Variants in PHACTR3 observed in about 807,000 individuals in gnomAD.
PHACTR3 encodes phosphatase and actin regulator 3, also known as protein phosphatase 1, regulatory subunit 123.
PHACTR3 carries 16 observed loss-of-function variants against 66.8 expected under a neutral mutation model. The observed-to-expected ratio is 0.24, with a 90% confidence interval of 0.16 to 0.36. The LOEUF is 0.36. Ranked by LOEUF, PHACTR3 falls within the 10% of genes least tolerant of loss-of-function variation. PHACTR3 has a pLI of 1.00. For missense variants in PHACTR3, 647 were observed against 719.9 expected (o/e 0.90, Z 1.16); for synonymous variants, 323 against 292.1 (o/e 1.11, Z -1.08).
In PHACTR3 at chr20:59,760,105, C is replaced by T. The variant is rs199711426; in HGVS notation, c.541+4741C>T. On this transcript the variant is annotated intron_variant, in intron 4 of 12. Transcript: ENST00000371015. ...GTCATCAAAAAGCACAAGGGGCTGT[C>T]CTGGGTCACTCCTGGCATCCAGGTG... Among the ~76,000 whole-genome samples the T allele has an allele frequency of 3.0e-3, 452 of 152,248 alleles. 4 individuals carry two copies. The highest frequency in any genetic ancestry group is 5.3e-3 in the Admixed American group (81 of 15,296).
At chr20:59,758,689 G>A (rs1436816874) in intron 4 of PHACTR3, among the ~76,000 whole-genome samples, 1 of 152,174 alleles carries the variant, frequency 6.6e-6, no homozygotes, top group Non-Finnish European at 1.5e-5. Context: ...ATGATGAAAT[G>A]CTGGCACAAA....
At chr20:59,710,797 A>C in intron 1 of PHACTR3, among the ~76,000 whole-genome samples, 1 of 151,552 alleles carries the variant, frequency 6.6e-6, no homozygotes, top group East Asian at 1.9e-4. Context: ...ATGTTCCTGC[A>C]TCATACCTTC....
Position 59,743,162 on chromosome 20 carries a change from A to C in PHACTR3, c.174A>C (p.Arg58=), listed in dbSNP as rs758167665. The part of the protein sequence containing the change: ...ARPEYLVSGI[R]TPPVRRNSKL... ...CTGAATATCTGGTCTCAGGGATTCG[A>C]ACTCCCCCTGTGAGGAGGAACAGCA... Residue 58 remains arginine (R), a synonymous_variant, in exon 2 of 13, where the codon CGA becomes CGC. Coordinates refer to ENST00000371015, the MANE Select transcript of PHACTR3 (RefSeq NM_080672.5). The C allele has an allele frequency of 1.9e-5, 31 of 1,613,966 alleles. No individual in the cohort carries two copies. Among genetic ancestry groups the C allele is most frequent in the Non-Finnish European group, 3.4e-6 (4 of 1,179,978 alleles).
At chr20:59,731,189 C>T (rs937246283) in intron 1 of PHACTR3, among the ~76,000 whole-genome samples, 2 of 152,174 alleles carry the variant, frequency 1.3e-5, no homozygotes, top group African/African-American at 2.4e-5. Flanking sequence ...ATTTCTACTA[C>T]AATACTAAAG....
chr20:59,755,220 C>G lies in PHACTR3; in HGVS notation c.397C>G (p.Arg133Gly). The G allele has an allele frequency of 6.2e-7, 1 of 1,613,736 alleles. No homozygotes were observed. Among genetic ancestry groups the G allele is most frequent in the Non-Finnish European group, 8.5e-7 (1 of 1,180,016 alleles). Reference sequence around the variant, plus strand: ...AACTTGCAACCCCGATGGAGGACCCCGATCTGTACAGAGTGAACCACCCAC... The same window carrying G: ...AACTTGCAACCCCGATGGAGGACCCGGATCTGTACAGAGTGAACCACCCAC... ...SKTCNPDGGP[R>G]SVQSEPPTPK... Residue 133 changes from arginine to glycine, a missense_variant, in exon 4 of 13, where the codon CGA becomes GGA. By Grantham distance (125) the Arg-to-Gly change is moderately radical. Coordinates refer to ENST00000371015, the MANE Select transcript of PHACTR3 (RefSeq NM_080672.5).
intron 7 of PHACTR3, 86 bp downstream of exon 7, chr20:59,774,576 G>A: frequency 6.6e-7 from 1 of 1,520,766 alleles, no homozygotes; most frequent in Non-Finnish European, 8.8e-7. Context: ...CTCGTGCCTG[G>A]GGGAGGAACA....
intron 7 of PHACTR3, among the ~76,000 whole-genome samples, chr20:59,779,577 T>C (rs1202201001): frequency 6.6e-6 from 1 of 152,246 alleles, no homozygotes; most frequent in East Asian, 1.9e-4. Context: ...TCGCAACAAC[T>C]ACTATTTTAT....
At chr20:59,670,938 A>G (rs1283514126) in intron 1 of PHACTR3, among the ~76,000 whole-genome samples, 2 of 152,046 alleles carry the variant, frequency 1.3e-5, no homozygotes, top group Non-Finnish European at 2.9e-5. Flanking sequence ...GCAATCTCGT[A>G]CTTTCTGCTC....
chr20:59,636,179 C>T (rs139090714), intron 1 of PHACTR3, among the ~76,000 whole-genome samples: 18 of 152,238 alleles, frequency 1.2e-4, no homozygotes, highest in African/African-American at 4.3e-4. Flanking sequence ...TTGGAAATAT[C>T]TCTGGTCATT....
chr20:59,616,142 G>C (rs964747097), intron 1 of PHACTR3, among the ~76,000 whole-genome samples: 1 of 151,732 alleles, frequency 6.6e-6, no homozygotes, highest in Non-Finnish European at 1.5e-5. Context: ...TGCAGAATGA[G>C]GATTACTTTA....
rs146508508 is a variant in PHACTR3 at position 59,651,451 on chromosome 20, A to G, written c.118+46319A>G. Among the ~76,000 whole-genome samples the G allele has an allele frequency of 5.5e-3, 845 of 152,332 alleles. 4 individuals are homozygous for G. The highest frequency in any genetic ancestry group is 0.027 in the Middle Eastern group (8 of 294). On this transcript the variant is annotated intron_variant, in intron 1 of 12. Coordinates refer to ENST00000371015, the MANE Select transcript of PHACTR3 (RefSeq NM_080672.5). Reference sequence around the variant, plus strand: ...AATTAAAGCATCATGTTATATTGCCATTACCAGCTAGCCATATGAACCTTA... The same window carrying G: ...AATTAAAGCATCATGTTATATTGCCGTTACCAGCTAGCCATATGAACCTTA...
At chr20:59,676,716 T>C in intron 1 of PHACTR3, 1 of 984,880 alleles carries the variant, frequency 1.0e-6, no homozygotes, top group African/African-American at 1.7e-5. Flanking sequence ...AGAGCAGGGG[T>C]TCTGGGGAAG....
chr20:59,614,262 A>G (rs1172128085), intron 1 of PHACTR3, among the ~76,000 whole-genome samples: 2 of 152,224 alleles, frequency 1.3e-5, no homozygotes, highest in African/African-American at 4.8e-5. Flanking sequence ...TAGCTGACAG[A>G]CGTATACATA....
chr20:59,596,733 A>C lies in PHACTR3; in HGVS notation c.109+19116A>C, dbSNP rs564081703. ...TCAGCAAATTCCTCTGTGTCCTTCC[A>C]AGCTCTGCTCAGCAGGGCGGTGGTG... is the stretch of plus-strand genomic sequence containing the variant. On this transcript the variant is annotated intron_variant, in intron 1 of 12. Coordinates refer to the PHACTR3 transcript ENST00000359926. Among the ~76,000 whole-genome samples, 46 of 152,318 alleles carry C rather than the reference A, an allele frequency of 3.0e-4. No individual in the cohort carries two copies. In the South Asian group the frequency reaches 3.5e-3, roughly 12 times the overall value.
intron 8 of PHACTR3, among the ~76,000 whole-genome samples, chr20:59,834,856 C>G (rs374589678): frequency 6.6e-6 from 1 of 152,220 alleles, no homozygotes; most frequent in East Asian, 1.9e-4. Context: ...CTTTCAGCTT[C>G]CCTGGGCCAC....
chr20:59,801,838 C>T (rs1166910067), intron 7 of PHACTR3, among the ~76,000 whole-genome samples: 1 of 152,222 alleles, frequency 6.6e-6, no homozygotes, highest in East Asian at 1.9e-4. Flanking sequence ...AATAGAAACA[C>T]ACATAATGTG....
At chr20:59,635,730 G>A (rs574764873) in intron 1 of PHACTR3, among the ~76,000 whole-genome samples, 44 of 152,282 alleles carry the variant, frequency 2.9e-4, no homozygotes, top group Non-Finnish European at 4.3e-4. Context: ...TTTGTATGGC[G>A]CGTAAGAGGG....
chr20:59,665,867 G>T (rs1053433555), intron 1 of PHACTR3, among the ~76,000 whole-genome samples: 4 of 152,182 alleles, frequency 2.6e-5, no homozygotes, highest in Non-Finnish European at 4.4e-5. Context: ...TCAGAAGTGG[G>T]GTTGGCGTTG....
At position 59,620,844 on chromosome 20, in the gene PHACTR3, C is replaced by T. The variant is rs561902407; in HGVS notation, c.118+15712C>T. Among the ~76,000 whole-genome samples, 6 of 152,274 alleles carry T rather than the reference C, an allele frequency of 3.9e-5. No individual in the cohort carries two copies. In the South Asian group the frequency reaches 8.3e-4, roughly 21 times the overall value. On this transcript the variant is annotated intron_variant, in intron 1 of 12. Transcript: ENST00000371015. ...GCGTGTTCAGGGGTGGCTGTCTTTC[C>T]GTCATTTCTCTTAAATGTATTAGTG...
Sources: gnomAD v4.1 joint callset for allele counts (sites outside exome capture counted in the v4.1 genomes callset) on GRCh38, gnomAD v4.1.1 for gene constraint, MANE v1.5 for transcripts, NCBI Gene and HGNC (gene_info 2026-07-23, HGNC 2026-07-21) for gene names.